The following GTPBP1 variants were observed in gnomAD, a reference collection of about 807,000 sequenced individuals.
The protein encoded by GTPBP1 is GTP binding protein 1, also known as GTP-binding protein 1.
A neutral mutation model predicts 62.0 loss-of-function variants in GTPBP1; 23 were observed. That is an observed-to-expected ratio of 0.37 (90% CI 0.27 to 0.53). The LOEUF (loss-of-function observed/expected upper bound fraction) is 0.53. GTPBP1 is among the 20% of genes least tolerant of loss of function. The pLI is 0.89. For synonymous variants in GTPBP1, 344 were observed against 364.4 expected (o/e 0.94, Z 0.64); for missense variants, 640 against 917.3 (o/e 0.70, Z 3.90).
At chr22:38,734,101 G>A (rs2092780881), downstream of GTPBP1, 2 of 286,028 alleles carry the variant, frequency 7.0e-6, no homozygotes, top group Middle Eastern at 1.3e-3. Flanking sequence ...CCTTGTGGCT[G>A]TCTCCACAGT....
chr22:38,727,388 G>A lies in GTPBP1; in HGVS notation c.1537+40G>A, dbSNP rs2092732587. The A allele has an allele frequency of 1.3e-6, 2 of 1,491,292 alleles. No homozygotes were observed. Among genetic ancestry groups the A allele is most frequent in the African/African-American group, 2.9e-5 (2 of 69,862 alleles). The allele number at this position is 1,491,292 out of a possible 1,614,324, so 92.4% of individuals were successfully genotyped here. A position where few individuals can be genotyped will look rare whatever the true frequency, so the allele number is the denominator to read the frequency against. ...CCCTGCCAGCCCAGGAGGCCGTCGT[G>A]TTAGCTCCCCTCAGAAGGTGTTCCA... On this transcript the variant is annotated intron_variant, in intron 9 of 11. Transcript: ENST00000216044. The surrounding 1 kb of genome is among the most constrained non-coding windows in gnomAD (Gnocchi z 6.5).
chr22:38,742,263 G>A, downstream of GTPBP1: 1 of 1,554,794 alleles, frequency 6.4e-7, no homozygotes, highest in South Asian at 1.2e-5. Flanking sequence ...TCCTATGGGT[G>A]TCACCCACCT....
rs1198744289 is a variant in GTPBP1, at chr22:38,716,051, G to A, written c.449G>A (p.Arg150Gln). The A allele has an allele frequency of 2.5e-6, 4 of 1,610,770 alleles. No homozygotes were observed. Among genetic ancestry groups the A allele is most frequent in the African/African-American group, 1.3e-5 (1 of 74,828 alleles). Residue 150 changes from arginine to glutamine, a missense_variant, in exon 3 of 12, where the codon CGG (arginine) becomes CAG (glutamine). Arg to Gln is a conservative substitution (Grantham distance 43). This residue lies in a region of GTPBP1 where 215 missense variants were observed against 235.1 expected (regional missense o/e 0.91). Coordinates refer to ENST00000216044, the MANE Select transcript of GTPBP1 (RefSeq NM_004286.5). This position sits in a 1 kb window ranked among gnomAD's most constrained non-coding sequence, Gnocchi z 5.2. ...GGCCGCGTGCGTGATTACCTGGTCC[G>A]GAAACGAGTAGGAGACAATGACTTC... ...AGGRVRDYLV[R>Q]KRVGDNDFLE... is the part of the protein sequence containing the mutation.
chr22:38,722,968 C>A, intron 5 of GTPBP1: 2 of 884,110 alleles, frequency 2.3e-6, no homozygotes, highest in Admixed American at 3.4e-5. Context: ...CCTCTTAGTG[C>A]AAGACCAGAA....
chr22:38,728,882 A>G (rs957804096), intron 10 of GTPBP1: 1 of 152,582 alleles, frequency 6.6e-6, no homozygotes. Flanking sequence ...AACTTGGGCC[A>G]CAAGGGAAGA....
At chr22:38,735,683 C>G (rs946834811), downstream of GTPBP1, 2 of 166,136 alleles carry the variant, frequency 1.2e-5, no homozygotes, top group African/African-American at 4.8e-5. Flanking sequence ...GGGACAAATA[C>G]ACACTTTTGT....
chr22:38,717,024 G>A, intron 4 of GTPBP1, 24 bp downstream of exon 4: 4 of 1,463,690 alleles, frequency 2.7e-6, no homozygotes, highest in South Asian at 1.2e-5. Context: ...GCCCCAAGGA[G>A]GGGAGGCGTC....
At chr22:38,721,969 C>T in intron 5 of GTPBP1, 104 bp downstream of exon 5, 3 of 668,234 alleles carry the variant, frequency 4.5e-6, no homozygotes, top group South Asian at 4.4e-5. Context: ...AACTTCTTTT[C>T]TTTTTTATTT....
At chr22:38,739,833 C>A (rs148038201), downstream of GTPBP1, 1 of 1,613,506 alleles carries the variant, frequency 6.2e-7, no homozygotes, top group Non-Finnish European at 8.5e-7. This position sits in a 1 kb window ranked among gnomAD's most constrained non-coding sequence, Gnocchi z 6.7. Flanking sequence ...GGATCTTGCT[C>A]TCCAGCTCTC....
downstream of GTPBP1, chr22:38,740,429 C>A (rs549899267): frequency 8.6e-6 from 13 of 1,508,772 alleles, no homozygotes; most frequent in Admixed American, 2.2e-5. This position sits in a 1 kb window ranked among gnomAD's most constrained non-coding sequence, Gnocchi z 4.8. Context: ...ACTCCTGGGT[C>A]ATGCTGGTCC....
At chr22:38,736,455 G>C (rs770219543), downstream of GTPBP1, 4 of 1,296,636 alleles carry the variant, frequency 3.1e-6, no homozygotes, top group African/African-American at 3.0e-5. Flanking sequence ...GGGAAGGGGA[G>C]ACAGCCTCGC....
intron 2 of GTPBP1, among the ~76,000 whole-genome samples, chr22:38,709,411 A>G (rs2092625460): frequency 1.3e-5 from 2 of 152,244 alleles, no homozygotes; most frequent in South Asian, 4.1e-4. Context: ...ACATAAAAGT[A>G]CAAAGTGAAT....
At chr22:38,737,410 TC>T, downstream of GTPBP1, among the ~76,000 whole-genome samples, 1 of 152,196 alleles carries the variant, frequency 6.6e-6, no homozygotes, top group South Asian at 2.1e-4. This position sits in a 1 kb window ranked among gnomAD's most constrained non-coding sequence, Gnocchi z 4.1. Context: ...CCCCCACCTA[TC>T]CTGTTCTGGC....
In GTPBP1 at chr22:38,716,168, C is replaced by G. The variant is rs575572191; in HGVS notation, c.485+81C>G. ...GAGCCTGTGGCACTTGGCGTGTCAGCTCCATCCTTTCCCCTCCTGAGGCGG... is the reference window on the plus strand; with the variant it reads ...GAGCCTGTGGCACTTGGCGTGTCAGGTCCATCCTTTCCCCTCCTGAGGCGG... On this transcript the variant is annotated intron_variant, in intron 3 of 11. Transcript: ENST00000216044. The surrounding 1 kb of genome is among the most constrained non-coding windows in gnomAD (Gnocchi z 5.2). The G allele has an allele frequency of 2.3e-5, 26 of 1,150,410 alleles. 1 individual carries two copies. In the South Asian group the frequency reaches 3.3e-4, roughly 15 times the overall value. 71.3% of individuals were successfully genotyped at this position (1,150,410 alleles called of 1,614,324 possible).
intron 10 of GTPBP1, chr22:38,729,228 G>T: frequency 2.4e-6 from 1 of 413,614 alleles, no homozygotes; most frequent in South Asian, 6.1e-5. Flanking sequence ...GCAGAGGCAG[G>T]AAGTGAGGCA....
intron 4 of GTPBP1, among the ~76,000 whole-genome samples, chr22:38,721,493 A>G (rs1421933497): frequency 1.3e-5 from 2 of 152,188 alleles, no homozygotes; most frequent in Non-Finnish European, 2.9e-5. Context: ...CTGGGGTTAC[A>G]GGCATGAGCC....
chr22:38,740,278 C>G (rs117350165), downstream of GTPBP1: 284 of 1,592,850 alleles, frequency 1.8e-4, no homozygotes, highest in Non-Finnish European at 2.4e-4. The surrounding 1 kb of genome is among the most constrained non-coding windows in gnomAD (Gnocchi z 4.8). Flanking sequence ...TCGTCCCGCA[C>G]GGCCTGGATC....
downstream of GTPBP1, chr22:38,738,626 G>T: frequency 6.2e-7 from 1 of 1,614,026 alleles, no homozygotes; most frequent in Non-Finnish European, 8.5e-7. The surrounding 1 kb of genome is among the most constrained non-coding windows in gnomAD (Gnocchi z 6.6). Flanking sequence ...AGATAGTGCT[G>T]TTGGGTGACA....
intron 1 of GTPBP1, 66 bp downstream of exon 1, chr22:38,706,213 G>A (rs2092603294): frequency 9.4e-7 from 1 of 1,061,714 alleles, no homozygotes; most frequent in Non-Finnish European, 1.2e-6. Flanking sequence ...TCTCCCGGGC[G>A]ACGGCGGGGC....
Sources: gnomAD v4.1 joint callset for allele counts (sites outside exome capture counted in the v4.1 genomes callset) on GRCh38, gnomAD v4.1.1 for gene constraint, gnomAD v4.1.1 regional missense constraint, Gnocchi (gnomAD v3.1) non-coding constraint, MANE v1.5 for transcripts, NCBI Gene and HGNC (gene_info 2026-07-23, HGNC 2026-07-21) for gene names.